EYA1: variants seen among roughly 807,000 people sequenced by gnomAD.
EYA1 encodes EYA transcriptional coactivator and phosphatase 1.
EYA1 carries 16 observed loss-of-function variants against 82.0 expected under a neutral mutation model. The observed-to-expected ratio is 0.20, with a 90% CI of 0.13 to 0.30. EYA1 has a LOEUF of 0.30. EYA1 is among the 10% of genes least tolerant of loss of function. The pLI is 1.00. For synonymous variants in EYA1, 261 were observed against 264.4 expected, an observed-to-expected ratio of 0.99 and a Z score of 0.12; for missense variants, 633 against 730.7, an observed-to-expected ratio of 0.87 and a Z score of 1.54.
intron 16 of EYA1, among the ~76,000 whole-genome samples, chr8:71,211,957 T>C (rs1014654774): frequency 6.6e-6 from 1 of 152,174 alleles, no homozygotes; most frequent in African/African-American, 2.4e-5. Context: ...ATAAAGGTAA[T>C]AGAATACCCT....
At chr8:71,366,157 T>A (rs557405310), upstream of EYA1, among the ~76,000 whole-genome samples, 55 of 152,162 alleles carry the variant, frequency 3.6e-4, no homozygotes, top group East Asian at 8.1e-3. Context: ...GATTTTTTTT[T>A]AAATTATTAT....
At chr8:71,296,075 A>T (rs1472762756) in intron 9 of EYA1, among the ~76,000 whole-genome samples, 1 of 152,196 alleles carries the variant, frequency 6.6e-6, no homozygotes, top group Admixed American at 6.5e-5. Flanking sequence ...TTTTTTAATT[A>T]AGATAGTGAA....
intron 17 of EYA1, chr8:71,200,077 C>CTCAG (rs2128804006): frequency 6.4e-6 from 1 of 156,114 alleles, no homozygotes; most frequent in South Asian, 2.0e-4. Flanking sequence ...AGGGGAAGAA[C>CTCAG]TCAGAAGTTA....
At chr8:71,439,061 G>A (rs1396253825) in intron 2 of EYA1, among the ~76,000 whole-genome samples, 1 of 152,174 alleles carries the variant, frequency 6.6e-6, no homozygotes, top group African/African-American at 2.4e-5. Flanking sequence ...CCAAATATGA[G>A]GTCAGAGATT....
Position 71,299,652 on chromosome 8 carries a change from T to G in EYA1, c.625A>C (p.Asn209His). 1 of 1,583,636 alleles carries G rather than the reference T, an allele frequency of 6.3e-7. No homozygotes were observed. The highest frequency in any genetic ancestry group is 8.7e-7 in the Non-Finnish European group (1 of 1,153,020). ...TTTTAAATTACCTGCTGTGAACTAT[T>G]AAATCCAGAGGAATTTGTGAGTGAA... is the stretch of plus-strand genomic sequence containing the variant. ...NNSLTNSSGFNSSQQDYPSYP... is the reference protein window; with the variant it reads ...NNSLTNSSGFHSSQQDYPSYP... The change falls in exon 8 of 18, where the codon AAT (asparagine) becomes CAT (histidine). Residue 209 changes from asparagine to histidine, a missense_variant. Coordinates refer to ENST00000340726, the MANE Select transcript of EYA1 (RefSeq NM_000503.6).
intron 9 of EYA1, among the ~76,000 whole-genome samples, chr8:71,284,537 C>T (rs958518483): frequency 6.6e-6 from 1 of 152,140 alleles, no homozygotes; most frequent in Non-Finnish European, 1.5e-5. Flanking sequence ...GGGAACAGCA[C>T]CATTGTCAAG....
intron 2 of EYA1, among the ~76,000 whole-genome samples, chr8:71,484,929 C>T (rs949610254): frequency 6.6e-6 from 1 of 152,202 alleles, no homozygotes; most frequent in Non-Finnish European, 1.5e-5. Flanking sequence ...CTGTGAAATT[C>T]TTCACAAGCC....
At chr8:71,346,557 T>C (rs1435553997) in intron 3 of EYA1, among the ~76,000 whole-genome samples, 1 of 151,430 alleles carries the variant, frequency 6.6e-6, no homozygotes, top group Non-Finnish European at 1.5e-5. Flanking sequence ...CTAAGTGTAC[T>C]AACTTCCTTA....
chr8:71,395,055 T>C (rs1177263541), intron 2 of EYA1, among the ~76,000 whole-genome samples: 1 of 152,212 alleles, frequency 6.6e-6, no homozygotes, highest in East Asian at 1.9e-4. Flanking sequence ...TTTGAAGCTA[T>C]TGTGAAATGG....
intron 2 of EYA1, among the ~76,000 whole-genome samples, chr8:71,481,377 G>C (rs117105668): frequency 9.9e-4 from 151 of 152,262 alleles, no homozygotes; most frequent in Non-Finnish European, 1.8e-3. Flanking sequence ...TGAATGATCA[G>C]AAAAGTATTA....
chr8:71,545,558 C>CTTT (rs34093503), intron 1 of EYA1, among the ~76,000 whole-genome samples: 39 of 100,344 alleles, frequency 3.9e-4, no homozygotes, highest in Non-Finnish European at 5.2e-4. Context: ...TATTTTGTTC[C>CTTT]TTTTTTTTTT....
chr8:71,211,583 G>A (rs572669972), intron 16 of EYA1, among the ~76,000 whole-genome samples: 3 of 152,236 alleles, frequency 2.0e-5, no homozygotes, highest in East Asian at 3.9e-4. Flanking sequence ...TTTTGCAGTG[G>A]GACTTCTTTT....
chr8:71,261,947 A>G (rs1226303633), intron 11 of EYA1, among the ~76,000 whole-genome samples: 5 of 152,162 alleles, frequency 3.3e-5, no homozygotes, highest in African/African-American at 1.2e-4. Flanking sequence ...TTGCTATTAA[A>G]TCGGTCTTCC....
rs111409155 is a variant in EYA1, at chr8:71,439,528, T to C, written c.34-83017A>G. On this transcript the variant is annotated intron_variant, in intron 2 of 18. Transcript: ENST00000643681. ...CTGAGCATGATTATGGGACCTGTAC[T>C]TTAGGGTAGATTCATATTTTCTAAT... Among the ~76,000 whole-genome samples the C allele has an allele frequency of 5.8e-3, 880 of 152,346 alleles. 5 individuals are homozygous for C. The highest frequency in any genetic ancestry group is 0.02 in the African/African-American group (837 of 41,582).
intron 11 of EYA1, among the ~76,000 whole-genome samples, chr8:71,257,161 T>G (rs1281268522): frequency 1.3e-5 from 2 of 152,158 alleles, no homozygotes; most frequent in Non-Finnish European, 2.9e-5. Flanking sequence ...CATACTCAAC[T>G]CTATACAAAT....
intron 9 of EYA1, 81 bp downstream of exon 9, chr8:71,298,966 G>A: frequency 7.1e-7 from 1 of 1,411,894 alleles, no homozygotes; most frequent in Admixed American, 1.7e-5. Context: ...TGCAACCACT[G>A]CATGAATATA....
intron 11 of EYA1, among the ~76,000 whole-genome samples, chr8:71,251,188 A>G (rs1002984900): frequency 6.6e-6 from 1 of 152,240 alleles, no homozygotes; most frequent in African/African-American, 2.4e-5. Flanking sequence ...GTATTACACC[A>G]TTTTGTAAAA....
chr8:71,492,278 G>A lies in EYA1; in HGVS notation c.33+43466C>T, dbSNP rs114836193. Among the ~76,000 whole-genome samples the A allele has an allele frequency of 5.1e-3, 774 of 152,176 alleles. 6 individuals carry two copies. Among genetic ancestry groups the A allele is most frequent in the African/African-American group, 0.018 (745 of 41,510 alleles). Reference sequence around the variant, plus strand: ...GCTAAATGAATACTGAGGAAACACGGGAGCCACCTTTTATGTTCAGTTACT... The same window carrying A: ...GCTAAATGAATACTGAGGAAACACGAGAGCCACCTTTTATGTTCAGTTACT... On this transcript the variant is annotated intron_variant, in intron 2 of 18. Coordinates refer to the EYA1 transcript ENST00000643681.
chr8:71,245,615 A>G (rs1257280502), intron 11 of EYA1, among the ~76,000 whole-genome samples: 3 of 151,920 alleles, frequency 2.0e-5, no homozygotes, highest in Non-Finnish European at 2.9e-5. Context: ...TTCTTCTTCC[A>G]GTGTGGCCCA....
Sources: allele counts gnomAD v4.1 joint callset (sites outside exome capture counted in the v4.1 genomes callset), GRCh38; gene constraint gnomAD v4.1.1; transcripts MANE v1.5; gene names NCBI Gene and HGNC (gene_info 2026-07-23, HGNC 2026-07-21).